CLPB: variants seen among roughly 807,000 people sequenced by gnomAD.
The protein encoded by CLPB is ClpB family mitochondrial disaggregase, also known as mitochondrial disaggregase.
Under a neutral mutation model 78.4 loss-of-function variants are expected in CLPB, and 40 were observed. That is an observed-to-expected ratio of 0.51 (90% CI 0.40 to 0.66). CLPB has a LOEUF of 0.66. Ranked by LOEUF, CLPB falls within the 30% of genes least tolerant of loss-of-function variation. CLPB has a pLI of 0.00. For missense variants in CLPB, 780 were observed against 886.9 expected (o/e 0.88, Z 1.53); for synonymous variants, 333 against 348.0 (o/e 0.96, Z 0.48).
chr11:72,363,727 G>C (rs1358551526), intron 4 of CLPB, among the ~76,000 whole-genome samples: 1 of 152,186 alleles, frequency 6.6e-6, no homozygotes, highest in African/African-American at 2.4e-5. Context: ...ATGCTGGTCG[G>C]TGGTAGGCTA....
At chr11:72,399,484 T>G (rs1322833116) in intron 3 of CLPB, among the ~76,000 whole-genome samples, 1 of 152,206 alleles carries the variant, frequency 6.6e-6, no homozygotes, top group African/African-American at 2.4e-5. Flanking sequence ...TAAATTAAAT[T>G]ATTGTGCATA....
intron 2 of CLPB, among the ~76,000 whole-genome samples, chr11:72,403,331 C>T (rs186301809): frequency 6.6e-6 from 1 of 152,284 alleles, no homozygotes; most frequent in East Asian, 1.9e-4. Flanking sequence ...CAGTCTGTCC[C>T]CCTTATTATC....
intron 2 of CLPB, among the ~76,000 whole-genome samples, chr11:72,420,958 G>T (rs935296270): frequency 6.6e-6 from 1 of 152,128 alleles, no homozygotes; most frequent in African/African-American, 2.4e-5. Flanking sequence ...TCGGGAGTTC[G>T]GGACCAGCCT....
chr11:72,408,887 G>A (rs1038009581), intron 2 of CLPB, among the ~76,000 whole-genome samples: 10 of 152,174 alleles, frequency 6.6e-5, no homozygotes, highest in African/African-American at 1.4e-4. Context: ...GCTAGGCGGC[G>A]GGCTGCCCGC....
At chr11:72,374,459 G>A (rs1001006219) in intron 4 of CLPB, among the ~76,000 whole-genome samples, 2 of 152,208 alleles carry the variant, frequency 1.3e-5, no homozygotes, top group African/African-American at 4.8e-5. Context: ...GCCACTCTGA[G>A]GGCTGGAGGG....
At chr11:72,403,833 G>C (rs1457714897) in intron 2 of CLPB, among the ~76,000 whole-genome samples, 1 of 152,088 alleles carries the variant, frequency 6.6e-6, no homozygotes, top group Non-Finnish European at 1.5e-5. Context: ...CTGAATTTTT[G>C]CTCCCAGGAC....
rs532716302 is a variant in CLPB, at chr11:72,407,951, C to T, written c.456-4899G>A. The T allele has an allele frequency of 2.9e-5, 18 of 618,362 alleles. No homozygotes were observed. The South Asian group carries it at 3.5e-4, about 12-fold the overall frequency. 38.3% of individuals were successfully genotyped at this position (618,362 alleles called of 1,614,324 possible). On this transcript the variant is annotated intron_variant, in intron 2 of 15. Transcript: ENST00000538039. ...CATGAGCCACCGCGCCCAGCCTCTG[C>T]CACCTACTATTCTAACATCCTAAAG...
At chr11:72,431,335 G>C (rs189666019) in intron 1 of CLPB, among the ~76,000 whole-genome samples, 1 of 152,288 alleles carries the variant, frequency 6.6e-6, no homozygotes, top group African/African-American at 2.4e-5. Context: ...CCTGACTCAG[G>C]GAACTCTCAG....
chr11:72,296,590 G>A (rs1949555273), intron 11 of CLPB, among the ~76,000 whole-genome samples: 1 of 152,208 alleles, frequency 6.6e-6, no homozygotes, highest in Non-Finnish European at 1.5e-5. Flanking sequence ...CAAAAGCAAT[G>A]ATCAGGGACT....
intron 5 of CLPB, chr11:72,336,906 G>C (rs755581067): frequency 5.9e-5 from 23 of 393,160 alleles, no homozygotes; most frequent in Non-Finnish European, 9.0e-5. Context: ...TGGTCTCTCC[G>C]ATTACCCAGA....
At chr11:72,342,736 G>C (rs571103103) in intron 5 of CLPB, among the ~76,000 whole-genome samples, 1 of 152,200 alleles carries the variant, frequency 6.6e-6, no homozygotes, top group Admixed American at 6.5e-5. Context: ...CAAAGCATCC[G>C]AGCCTGGGGT....
intron 11 of CLPB, among the ~76,000 whole-genome samples, chr11:72,297,700 T>A (rs543571383): frequency 0.01 from 1,234 of 122,012 alleles, 25 homozygotes; most frequent in African/African-American, 0.034. Context: ...TGTGTGTGTG[T>A]GTGACATGTC....
chr11:72,414,796 A>G (rs1855973582), intron 2 of CLPB, among the ~76,000 whole-genome samples: 1 of 152,206 alleles, frequency 6.6e-6, no homozygotes, highest in Non-Finnish European at 1.5e-5. Context: ...AAAGCTCTTG[A>G]ATGATGGAGT....
At chr11:72,293,849 A>AG (rs1210585935) in intron 15 of CLPB, among the ~76,000 whole-genome samples, 173 bp downstream of exon 15, 1 of 152,164 alleles carries the variant, frequency 6.6e-6, no homozygotes, top group Non-Finnish European at 1.5e-5. Context: ...ACCCTCCAGC[A>AG]GGGGTTTTAC....
intron 9 of CLPB, chr11:72,304,212 A>G (rs961715727): frequency 1.3e-5 from 2 of 152,258 alleles, no homozygotes; most frequent in Non-Finnish European, 1.5e-5. Context: ...AGGCAAGAAC[A>G]ATAAGAGTAA....
At position 72,297,636 on chromosome 11, in the gene CLPB, G is replaced by GGTGTGTGT. The variant is rs67807556; in HGVS notation, c.1330-1996_1330-1989dup. 8.7e-3 allele frequency among the ~76,000 whole-genome samples: 816 copies of GGTGTGTGT among 93,392 alleles called. 36 individuals are homozygous for GGTGTGTGT. The highest frequency in any genetic ancestry group is 0.011 in the Non-Finnish European group (430 of 40,536). 61.3% of individuals were successfully genotyped at this position (93,392 alleles called of 152,430 possible). ...AGGGCAGTTCTAGTTTTGGGGACCAGGTGTGTGTGTGTGTGTGTGTGTGTG... is the reference window on the plus strand; with the variant it reads ...AGGGCAGTTCTAGTTTTGGGGACCAGGTGTGTGTGTGTGTGTGTGTGTGTGTGTGTGTG... On this transcript the variant is annotated intron_variant, in intron 11 of 15. Transcript: ENST00000538039.
chr11:72,352,393 T>C (rs1298288566), intron 5 of CLPB: 1 of 152,310 alleles, frequency 6.6e-6, no homozygotes, highest in Non-Finnish European at 1.5e-5. Flanking sequence ...ACCTTCAATA[T>C]TAGCTCCTGC....
chr11:72,367,295 C>T (rs916294279), intron 4 of CLPB, among the ~76,000 whole-genome samples: 2 of 152,212 alleles, frequency 1.3e-5, no homozygotes, highest in Non-Finnish European at 2.9e-5. Context: ...TCCCGAGTAG[C>T]TGGGACTACA....
intron 4 of CLPB, among the ~76,000 whole-genome samples, chr11:72,377,932 T>C (rs1438377227): frequency 1.3e-5 from 2 of 152,242 alleles, no homozygotes; most frequent in African/African-American, 4.8e-5. Flanking sequence ...TAGTCACAAC[T>C]GAGATCAACT....
Sources: allele counts gnomAD v4.1 joint callset (sites outside exome capture counted in the v4.1 genomes callset), GRCh38; gene constraint gnomAD v4.1.1; transcripts MANE v1.5; gene names NCBI Gene and HGNC (gene_info 2026-07-23, HGNC 2026-07-21).